Variants in TBC1D10B observed in about 807,000 individuals in gnomAD.
TBC1D10B encodes the protein TBC1 domain family member 10B.
TBC1D10B carries 25 observed loss-of-function variants against 78.4 expected under a neutral mutation model. That is an observed-to-expected ratio of 0.32 (90% confidence interval 0.23 to 0.45). The LOEUF (loss-of-function observed/expected upper bound fraction) is 0.45, where lower values mean the gene tolerates loss of function less well. Ranked by LOEUF, TBC1D10B falls within the 20% of genes least tolerant of loss-of-function variation. TBC1D10B has a pLI of 1.00. For synonymous variants in TBC1D10B, 517 were observed against 478.0 expected (o/e 1.08, Z -1.06); for missense variants, 996 against 1,104.8 (o/e 0.90, Z 1.40).
chr16:30,369,836 T>C lies in TBC1D10B; in HGVS notation c.348A>G (p.Ala116=), dbSNP rs2151103907. Residue 116 remains alanine (A), a synonymous_variant, in exon 1 of 9, where the codon GCA becomes GCG. Transcript: ENST00000409939. This position sits in a 1 kb window ranked among gnomAD's most constrained non-coding sequence, Gnocchi z 4.3. ...PSGPESPEPA[A]VAGVETSRAL... is the part of the protein sequence containing the mutation. ...CCCTCGATGTCTCAACTCCAGCCACTGCCGCGGGCTCTGGGGATTCCGGGC... is the reference window on the plus strand; with the variant it reads ...CCCTCGATGTCTCAACTCCAGCCACCGCCGCGGGCTCTGGGGATTCCGGGC... The C allele has an allele frequency of 7.1e-7, 1 of 1,408,826 alleles. No homozygotes were observed. 87.3% of individuals were successfully genotyped at this position (1,408,826 alleles called of 1,614,324 possible).
At position 30,370,048 on chromosome 16, in the gene TBC1D10B, T is replaced by C; in HGVS notation, c.136A>G (p.Thr46Ala). The C allele has an allele frequency of 8.1e-7, 1 of 1,229,272 alleles. No individual in the cohort carries two copies. Among genetic ancestry groups the C allele is most frequent in the Non-Finnish European group, 1.0e-6 (1 of 986,310 alleles). 76.1% of individuals were successfully genotyped at this position (1,229,272 alleles called of 1,614,324 possible). The change falls in exon 1 of 9, where the codon ACT (threonine) becomes GCT (alanine). Residue 46 changes from threonine to alanine, a missense_variant. Thr to Ala is a moderately conservative substitution (Grantham distance 58). This residue lies in a region of TBC1D10B where 448 missense variants were observed against 442.1 expected (regional missense o/e 1.01). Coordinates refer to ENST00000409939, the MANE Select transcript of TBC1D10B (RefSeq NM_015527.4). ...VAPGPPVTTA[T>A]SAPVTLVAPG... ...GCCACCAGGGTGACGGGGGCCGAAGTGGCCGTAGTCACTGGAGGTCCCGGA... is the reference window on the plus strand; with the variant it reads ...GCCACCAGGGTGACGGGGGCCGAAGCGGCCGTAGTCACTGGAGGTCCCGGA...
Position 30,369,331 on chromosome 16 carries a change from C to A in TBC1D10B, c.853G>T (p.Asp285Tyr). Residue 285 changes from aspartate (D) to tyrosine (Y), a missense_variant, in exon 1 of 9, where the codon GAT (aspartate) becomes TAT (tyrosine). Asp to Tyr is a radical substitution (Grantham distance 160, BLOSUM62 -3). Around this residue, in one of 5 missense-constraint regions of TBC1D10B, gnomAD observed 448 missense variants for 442.1 expected, o/e 1.01. Transcript: ENST00000409939. This position sits in a 1 kb window ranked among gnomAD's most constrained non-coding sequence, Gnocchi z 4.3. ...LMSGTLESLA[D>Y]DVSSMGSDSE... ...TCTGAGCCCATGGAGCTCACATCATCCGCCAAGGACTCCAAGGTCCCAGAC... is the reference window on the plus strand; with the variant it reads ...TCTGAGCCCATGGAGCTCACATCATACGCCAAGGACTCCAAGGTCCCAGAC... 1 of 1,597,500 alleles carries A rather than the reference C, an allele frequency of 6.3e-7. No individual in the cohort carries two copies.
chr16:30,359,808 G>A lies in TBC1D10B; in HGVS notation c.1305C>T (p.Tyr435=). 2 of 1,575,786 alleles carry A rather than the reference G, an allele frequency of 1.3e-6. No homozygotes were observed. Among genetic ancestry groups the A allele is most frequent in the South Asian group, 1.2e-5 (1 of 85,826 alleles). Residue 435 remains tyrosine (Y), a synonymous_variant, in exon 5 of 9, where the codon TAC becomes TAT. Transcript: ENST00000409939. ...QQDLYRILKA[Y]TIYRPDEGYC... is the part of the protein sequence containing the mutation. ...AACCCTCGTCAGGCCGGTAGATGGT[G>A]TAGGCCTTCAGGATTCGGTACAGGT...
intron 4 of TBC1D10B, among the ~76,000 whole-genome samples, chr16:30,362,331 A>G (rs1253450109): frequency 2.0e-5 from 3 of 152,202 alleles, no homozygotes; most frequent in Non-Finnish European, 4.4e-5. Flanking sequence ...CCAGTGTTCA[A>G]TCCAGAGGTC....
Position 30,369,277 on chromosome 16 carries a change from T to C in TBC1D10B, c.907A>G (p.Lys303Glu). 6.3e-7 allele frequency: 1 copy of C among 1,588,420 alleles called. No individual in the cohort carries two copies. The change falls in exon 1 of 9, where the codon AAG (lysine) becomes GAG (glutamate). Residue 303 changes from lysine to glutamate, a missense_variant. Around this residue, in one of 5 missense-constraint regions of TBC1D10B, gnomAD observed 448 missense variants for 442.1 expected, o/e 1.01. Coordinates refer to ENST00000409939, the MANE Select transcript of TBC1D10B (RefSeq NM_015527.4). This position sits in a 1 kb window ranked among gnomAD's most constrained non-coding sequence, Gnocchi z 4.3. ...DSEINGLALR[K>E]TDKYGFLGGS... ...CCAAGGAAGCCATACTTGTCCGTCTTGCGCAGGGCCAGCCCGTTTATCTCT... is the reference window on the plus strand; with the variant it reads ...CCAAGGAAGCCATACTTGTCCGTCTCGCGCAGGGCCAGCCCGTTTATCTCT...
intron 4 of TBC1D10B, among the ~76,000 whole-genome samples, chr16:30,360,905 C>T (rs1163218093): frequency 2.0e-5 from 3 of 152,074 alleles, no homozygotes; most frequent in East Asian, 1.9e-4. Context: ...ACTCCAACAA[C>T]CCTCCCCTTG....
Position 30,359,377 on chromosome 16 carries a change from G to A in TBC1D10B, c.1453-16C>T. The A allele has an allele frequency of 6.4e-7, 1 of 1,557,602 alleles. No individual in the cohort carries two copies. ...GAATGGCCTCCTGCAGGTGGGACAA[G>A]CCATGAGAAGAGGGCCAAGTCAGCT... is the stretch of plus-strand genomic sequence containing the variant. On this transcript the variant is annotated splice_polypyrimidine_tract_variant and intron_variant, in intron 6 of 8. Coordinates refer to ENST00000409939, the MANE Select transcript of TBC1D10B (RefSeq NM_015527.4).
rs764881437 is a variant in TBC1D10B, at chr16:30,365,629, G to A, written c.957-35C>T. 26 of 1,600,674 alleles carry A rather than the reference G, an allele frequency of 1.6e-5. No individual in the cohort carries two copies. Among genetic ancestry groups the A allele is most frequent in the Non-Finnish European group, 2.1e-5 (25 of 1,169,460 alleles). ...CGGGGGAGCACGGAAGGGGTCAGTA[G>A]CAATAGTGTAAAACCTGCATTGCAG... is the stretch of plus-strand genomic sequence containing the variant. On this transcript the variant is annotated intron_variant, in intron 1 of 8. Transcript: ENST00000409939. This position sits in a 1 kb window ranked among gnomAD's most constrained non-coding sequence, Gnocchi z 5.0.
rs569603479 is a variant in TBC1D10B at position 30,369,678 on chromosome 16, G to T, written c.506C>A (p.Pro169His). ...GGTTCCCGGCTTGGGGGCAAGCGGG[G>T]GTTTGGCGGTCAGGGCACCAGGAGC... ...RTAPGALTAK[P>H]PLAPKPGTTV... The change falls in exon 1 of 9, where the codon CCC (proline) becomes CAC (histidine). Residue 169 changes from proline (P) to histidine (H), a missense_variant. By Grantham distance (77) the Pro-to-His change is moderately conservative (BLOSUM62 -2). Around this residue, in one of 5 missense-constraint regions of TBC1D10B, gnomAD observed 448 missense variants for 442.1 expected, o/e 1.01. Transcript: ENST00000409939. The surrounding 1 kb of genome is among the most constrained non-coding windows in gnomAD (Gnocchi z 4.3). 1 of 1,530,758 alleles carries T rather than the reference G, an allele frequency of 6.5e-7. No homozygotes were observed. The highest frequency in any genetic ancestry group is 8.8e-7 in the Non-Finnish European group (1 of 1,136,636). 94.8% of individuals were successfully genotyped at this position (1,530,758 alleles called of 1,614,324 possible).
At chr16:30,360,017 G>A (rs1048510277) in intron 4 of TBC1D10B, 176 bp from the exon 5 acceptor site, 5 of 617,142 alleles carry the variant, frequency 8.1e-6, no homozygotes, top group African/African-American at 1.8e-5. Context: ...AGGCCCCGGG[G>A]CTCCGCCTTT....
In TBC1D10B at chr16:30,359,185, C is replaced by T. The variant is rs2049582019; in HGVS notation, c.1629G>A (p.Met543Ile). The change falls in exon 7 of 9, where the codon ATG (methionine) becomes ATA (isoleucine). Residue 543 changes from methionine (M) to isoleucine (I), a missense_variant. Around this residue, in one of 5 missense-constraint regions of TBC1D10B, gnomAD observed 168 missense variants for 238.7 expected, o/e 0.70. Coordinates refer to ENST00000409939, the MANE Select transcript of TBC1D10B (RefSeq NM_015527.4). ...PWASVLRVWD[M>I]FFCEGVKIIF... ...CCACAGAAGTACCTTCACAGAAAAA[C>T]ATGTCCCAGACACGCAGCACCGACG... 1 of 1,611,740 alleles carries T rather than the reference C, an allele frequency of 6.2e-7. No individual in the cohort carries two copies. Among genetic ancestry groups the T allele is most frequent in the Non-Finnish European group, 8.5e-7 (1 of 1,178,972 alleles).
In TBC1D10B at chr16:30,357,960, T is replaced by C. The variant is rs1416347064; in HGVS notation, c.2411A>G (p.Gln804Arg). The C allele has an allele frequency of 1.3e-6, 2 of 1,550,974 alleles. No homozygotes were observed. The highest frequency in any genetic ancestry group is 1.7e-6 in the Non-Finnish European group (2 of 1,146,724). ...GGDRPSAEAR[Q>R]DAYF Reference sequence around the variant, plus strand: ...GGGCAGAGGTCAGAAGTAAGCGTCCTGCCGGGCCTCGGCTGAGGGCCTGTC... The same window carrying C: ...GGGCAGAGGTCAGAAGTAAGCGTCCCGCCGGGCCTCGGCTGAGGGCCTGTC... Residue 804 changes from glutamine (Q) to arginine (R), a missense_variant, in exon 9 of 9, where the codon CAG (glutamine) becomes CGG (arginine). Gln to Arg is a conservative substitution (Grantham distance 43). Coordinates refer to ENST00000409939, the MANE Select transcript of TBC1D10B (RefSeq NM_015527.4).
chr16:30,370,008 C>T lies in TBC1D10B; in HGVS notation c.176G>A (p.Arg59Gln). Residue 59 changes from arginine (R) to glutamine (Q), a missense_variant, in exon 1 of 9, where the codon CGG becomes CAG. Transcript: ENST00000409939. ...GGCCGACCCCGGGACCCAGGCGGGC[C>T]GCGCCTCCCCGGGGGCCACCAGGGT... is the stretch of plus-strand genomic sequence containing the variant. ...PVTLVAPGEA[R>Q]PAWVPGSAET... is the part of the protein sequence containing the mutation. The T allele has an allele frequency of 1.6e-6, 2 of 1,232,292 alleles. No homozygotes were observed. 76.3% of individuals were successfully genotyped at this position (1,232,292 alleles called of 1,614,324 possible). A position where few individuals can be genotyped will look rare whatever the true frequency, so the allele number is the denominator to read the frequency against.
chr16:30,361,626 A>G (rs2049599093), intron 4 of TBC1D10B, among the ~76,000 whole-genome samples: 1 of 151,974 alleles, frequency 6.6e-6, no homozygotes, highest in South Asian at 2.1e-4. Flanking sequence ...GCTGGTCTCA[A>G]ACTCCTGACC....
At chr16:30,359,907 C>A in intron 4 of TBC1D10B, 66 bp from the exon 5 acceptor site, 1 of 1,369,696 alleles carries the variant, frequency 7.3e-7, no homozygotes, top group South Asian at 1.3e-5. Flanking sequence ...AAACCCAGTT[C>A]CAGATTCGTC....
intron 4 of TBC1D10B, 180 bp from the exon 5 acceptor site, chr16:30,360,021 C>G: frequency 1.7e-6 from 1 of 605,756 alleles, no homozygotes. Context: ...CCCGGGGCTC[C>G]GCCTTTGGCT....
rs1284304868 is a variant in TBC1D10B at position 30,359,500 on chromosome 16, G to A, written c.1452+38C>T. ...GACCTGCCTGCAGCCTGGAGGAAACGCCACAGCCCCGGATGCACCCAGCCT... is the reference window on the plus strand; with the variant it reads ...GACCTGCCTGCAGCCTGGAGGAAACACCACAGCCCCGGATGCACCCAGCCT... On this transcript the variant is annotated intron_variant, in intron 6 of 8. Coordinates refer to ENST00000409939, the MANE Select transcript of TBC1D10B (RefSeq NM_015527.4). 16 of 1,552,740 alleles carry A rather than the reference G, an allele frequency of 1.0e-5. No individual in the cohort carries two copies. The East Asian group carries it at 1.5e-4, about 14-fold the overall frequency.
rs2049628751 is a variant in TBC1D10B, at chr16:30,365,390, A to G, written c.1056+105T>C. 7 of 1,397,198 alleles carry G rather than the reference A, an allele frequency of 5.0e-6. No homozygotes were observed. Among genetic ancestry groups the G allele is most frequent in the Admixed American group, 1.7e-5 (1 of 58,934 alleles). The allele number at this position is 1,397,198 out of a possible 1,614,324, so 86.6% of individuals were successfully genotyped here. A position where few individuals can be genotyped will look rare whatever the true frequency, so the allele number is the denominator to read the frequency against. ...CCCCCGCCAGGGCCCATCTATCCCCAGTGTGGTCCAGAGGGCAGATATTAT... is the reference window on the plus strand; with the variant it reads ...CCCCCGCCAGGGCCCATCTATCCCCGGTGTGGTCCAGAGGGCAGATATTAT... On this transcript the variant is annotated intron_variant, in intron 2 of 8. Coordinates refer to ENST00000409939, the MANE Select transcript of TBC1D10B (RefSeq NM_015527.4). The surrounding 1 kb of genome is among the most constrained non-coding windows in gnomAD (Gnocchi z 5.0).
rs1158897267 is a variant in TBC1D10B at position 30,357,763 on chromosome 16, T to C, written c.*181A>G. 2 of 827,710 alleles carry C rather than the reference T, an allele frequency of 2.4e-6. No homozygotes were observed. Among genetic ancestry groups the C allele is most frequent in the Non-Finnish European group, 3.7e-6 (2 of 546,052 alleles). The allele number at this position is 827,710 out of a possible 1,614,324, so 51.3% of individuals were successfully genotyped here. A position where few individuals can be genotyped will look rare whatever the true frequency, so the allele number is the denominator to read the frequency against. ...GGGAGATGAGAGGCTCCAGACTCATTTGCAGCTGCCCATCTGTCCTGCCCG... is the reference window on the plus strand; with the variant it reads ...GGGAGATGAGAGGCTCCAGACTCATCTGCAGCTGCCCATCTGTCCTGCCCG... On this transcript the variant is annotated 3_prime_UTR_variant, in exon 9 of 9. Transcript: ENST00000409939.
Sources: allele counts gnomAD v4.1 joint callset (sites outside exome capture counted in the v4.1 genomes callset), GRCh38; gene constraint gnomAD v4.1.1; regional missense constraint gnomAD v4.1.1; non-coding constraint Gnocchi (gnomAD v3.1); transcripts MANE v1.5; gene names NCBI Gene and HGNC (gene_info 2026-07-23, HGNC 2026-07-21).